RIT2: variants seen among roughly 807,000 people sequenced by gnomAD.
The protein encoded by RIT2 is GTP-binding protein Rit2.
In RIT2, 24 loss-of-function variants were observed where a neutral mutation model predicts 23.7. That is an observed-to-expected ratio of 1.01 (90% CI 0.73 to 1.43). The LOEUF is 1.43. Among genes scored for constraint, RIT2 ranks in the 40% most tolerant of loss-of-function variants. The pLI is 0.00. For synonymous variants in RIT2, 107 were observed against 91.1 expected (o/e 1.17, Z -0.99); for missense variants, 236 against 266.9 (o/e 0.88, Z 0.81).
chr18:42,875,414 T>A (rs553073889), intron 4 of RIT2, among the ~76,000 whole-genome samples: 1 of 151,792 alleles, frequency 6.6e-6, no homozygotes, highest in Non-Finnish European at 1.5e-5. Context: ...ATACAGAGGA[T>A]AGCACTTTAC....
At chr18:42,994,253 G>A (rs1172714602) in intron 2 of RIT2, among the ~76,000 whole-genome samples, 1 of 152,082 alleles carries the variant, frequency 6.6e-6, no homozygotes, top group Non-Finnish European at 1.5e-5. Flanking sequence ...AGGCTTCACG[G>A]ACAGCCCCCG....
intron 4 of RIT2, among the ~76,000 whole-genome samples, chr18:42,797,619 C>G (rs1905406408): frequency 6.6e-6 from 1 of 152,110 alleles, no homozygotes; most frequent in Middle Eastern, 3.4e-3. Context: ...ATGCAAGACC[C>G]CCAAGATCTA....
intron 1 of RIT2, among the ~76,000 whole-genome samples, chr18:43,103,729 A>C (rs1913742780): frequency 6.6e-6 from 1 of 152,202 alleles, no homozygotes; most frequent in Non-Finnish European, 1.5e-5. Context: ...TTTGTCTAGA[A>C]GGTAGATGAC....
intron 3 of RIT2, among the ~76,000 whole-genome samples, chr18:42,964,018 C>T (rs779656514): frequency 4.6e-5 from 7 of 151,928 alleles, no homozygotes; most frequent in Non-Finnish European, 8.8e-5. Flanking sequence ...GGTGAAACCC[C>T]ATCTCTACTA....
chr18:42,966,396 T>G (rs2144193422), intron 3 of RIT2, among the ~76,000 whole-genome samples: 1 of 152,330 alleles, frequency 6.6e-6, no homozygotes, highest in East Asian at 1.9e-4. Context: ...TTAGAGAATC[T>G]TGGTAGTCAT....
intron 4 of RIT2, among the ~76,000 whole-genome samples, chr18:42,830,526 C>T (rs748887365): frequency 6.6e-6 from 1 of 152,160 alleles, no homozygotes; most frequent in Non-Finnish European, 1.5e-5. Context: ...AAATTATATG[C>T]TGCCCATTCA....
intron 2 of RIT2, among the ~76,000 whole-genome samples, chr18:42,996,064 G>T (rs1046579417): frequency 1.3e-5 from 2 of 152,120 alleles, no homozygotes; most frequent in African/African-American, 4.8e-5. Flanking sequence ...GATGTCTTGG[G>T]TCCTCCCAAT....
At chr18:42,830,891 G>T (rs1341588694) in intron 4 of RIT2, among the ~76,000 whole-genome samples, 1 of 152,058 alleles carries the variant, frequency 6.6e-6, no homozygotes, top group Non-Finnish European at 1.5e-5. Context: ...CAGAATCATG[G>T]GGTCACCAAT....
rs946662857 is a variant in RIT2, at chr18:42,880,517, C to T, written c.426+43055G>A. On this transcript the variant is annotated intron_variant, in intron 4 of 4. Transcript: ENST00000326695. ...TGTTTTTGCCTTTGCTTGTGGCATC[C>T]GCATTATTGATCTTGCCTTGTTCTT... Among the ~76,000 whole-genome samples the T allele has an allele frequency of 4.6e-5, 7 of 152,054 alleles. No homozygotes were observed. The South Asian group carries it at 6.2e-4, about 13-fold the overall frequency.
intron 2 of RIT2, among the ~76,000 whole-genome samples, chr18:43,005,247 T>C (rs1568053447): frequency 1.3e-5 from 2 of 151,852 alleles, no homozygotes; most frequent in Non-Finnish European, 2.9e-5. Flanking sequence ...TCAAAGGAAA[T>C]ATTGTAAACT....
At chr18:42,948,337 C>T (rs771876255) in intron 3 of RIT2, among the ~76,000 whole-genome samples, 3 of 151,934 alleles carry the variant, frequency 2.0e-5, no homozygotes, top group Non-Finnish European at 4.4e-5. Context: ...AAGTTAACTC[C>T]CAGGGCCTGA....
At chr18:42,851,448 CAT>C (rs1304186916) in intron 4 of RIT2, among the ~76,000 whole-genome samples, 1 of 152,210 alleles carries the variant, frequency 6.6e-6, no homozygotes, top group East Asian at 1.9e-4. Flanking sequence ...ATTCTCAAAA[CAT>C]GTGCTCAATG....
Position 43,077,054 on chromosome 18 carries a change from G to T in RIT2, c.103+38363C>A, listed in dbSNP as rs1336512114. On this transcript the variant is annotated intron_variant, in intron 1 of 4. Transcript: ENST00000326695. ...GGAGGCGGAGCTTGCAGTGAGCCGA[G>T]ATCCCGCCACTGCACTCCAGCCTGG... Among the ~76,000 whole-genome samples the T allele has an allele frequency of 1.2e-4, 16 of 131,966 alleles. No homozygotes were observed. In the Admixed American group the frequency reaches 1.3e-3, roughly 10 times the overall value. 86.6% of individuals were successfully genotyped at this position (131,966 alleles called of 152,430 possible). A position where few individuals can be genotyped will look rare whatever the true frequency, so the allele number is the denominator to read the frequency against.
chr18:42,877,880 A>G (rs1005741855), intron 4 of RIT2, among the ~76,000 whole-genome samples: 2 of 151,896 alleles, frequency 1.3e-5, no homozygotes, highest in African/African-American at 4.8e-5. Flanking sequence ...TTGGAAATGT[A>G]TATTCAGGGC....
At chr18:42,974,620 C>T (rs972409900) in intron 2 of RIT2, among the ~76,000 whole-genome samples, 28 of 151,958 alleles carry the variant, frequency 1.8e-4, no homozygotes, top group African/African-American at 6.0e-4. Flanking sequence ...AATTGGAAAA[C>T]GAGTAAAATT....
chr18:42,795,327 C>G (rs538151535), intron 4 of RIT2, among the ~76,000 whole-genome samples: 306 of 152,312 alleles, frequency 2.0e-3, no homozygotes, highest in African/African-American at 6.6e-3. Context: ...GGGCTTGGAA[C>G]AGACGGCCGA....
In RIT2 at chr18:42,878,435, G is replaced by C. The variant is rs189000771; in HGVS notation, c.426+45137C>G. 5.7e-4 allele frequency among the ~76,000 whole-genome samples: 87 copies of C among 151,912 alleles called. 1 individual carries two copies. Among genetic ancestry groups the C allele is most frequent in the Admixed American group, 5.0e-3 (76 of 15,226 alleles). On this transcript the variant is annotated intron_variant, in intron 4 of 4. Transcript: ENST00000326695. ...GTCTTCATCTCTTTCTTGTCTTCAG[G>C]TTGAGTAGGCTGAGAAGGAGGAGGA...
intron 1 of RIT2, among the ~76,000 whole-genome samples, chr18:43,043,743 T>C (rs1249664008): frequency 1.3e-5 from 2 of 152,024 alleles, no homozygotes; most frequent in African/African-American, 4.8e-5. Flanking sequence ...TGAGCTGAGA[T>C]AGCTGAGATA....
chr18:42,926,430 T>C (rs1045168877), intron 3 of RIT2, among the ~76,000 whole-genome samples: 2 of 151,978 alleles, frequency 1.3e-5, no homozygotes, highest in African/African-American at 4.8e-5. Context: ...GGTTGGTTCT[T>C]TTTGTTGTTC....
Sources: gnomAD v4.1 joint callset for allele counts (sites outside exome capture counted in the v4.1 genomes callset) on GRCh38, gnomAD v4.1.1 for gene constraint, MANE v1.5 for transcripts, NCBI Gene and HGNC (gene_info 2026-07-23, HGNC 2026-07-21) for gene names.